Variants in PRELID2 observed in about 807,000 individuals in gnomAD.
The protein encoded by PRELID2 is PRELI domain containing 2.
PRELID2 carries 25 observed loss-of-function variants against 28.4 expected under a neutral mutation model. The ratio of observed to expected loss-of-function variants is 0.88; its 90% CI spans 0.64 to 1.23. The LOEUF (loss-of-function observed/expected upper bound fraction) is 1.23, where lower values mean the gene tolerates loss of function less well. Ranked by LOEUF, PRELID2 falls within the 50% of genes most tolerant of loss-of-function variation. PRELID2 has a pLI of 0.00. For synonymous variants in PRELID2, 76 were observed against 71.6 expected (o/e 1.06, Z -0.31); for missense variants, 201 against 214.4 (o/e 0.94, Z 0.39).
the PRELID2 span, among the ~76,000 whole-genome samples, chr5:145,459,683 A>T: frequency 6.6e-6 from 1 of 152,146 alleles, no homozygotes; most frequent in Non-Finnish European, 1.5e-5. Flanking sequence ...ATGTACAATG[A>T]TTGAAACAAA....
chr5:145,626,033 G>A (rs1753840102), intron 1 of PRELID2, among the ~76,000 whole-genome samples: 1 of 152,094 alleles, frequency 6.6e-6, no homozygotes, highest in Admixed American at 6.6e-5. Context: ...ATTAACTTCA[G>A]ATGGATTAAA....
At chr5:145,391,039 C>T in the PRELID2 span, among the ~76,000 whole-genome samples, 1 of 152,206 alleles carries the variant, frequency 6.6e-6, no homozygotes, top group Non-Finnish European at 1.5e-5. Flanking sequence ...AAGTGCCACC[C>T]CTGTGGCTTT....
At chr5:145,588,127 G>A (rs1002617071) in intron 1 of PRELID2, among the ~76,000 whole-genome samples, 1 of 152,056 alleles carries the variant, frequency 6.6e-6, no homozygotes, top group African/African-American at 2.4e-5. Flanking sequence ...CTCCCCTAAC[G>A]AACATCACTG....
At chr5:145,434,689 G>A in the PRELID2 span, among the ~76,000 whole-genome samples, 2 of 152,150 alleles carry the variant, frequency 1.3e-5, no homozygotes, top group African/African-American at 4.8e-5. Context: ...ACTGCCACCT[G>A]GTCAACCTGG....
intron 1 of PRELID2, among the ~76,000 whole-genome samples, chr5:145,570,420 G>T (rs76543295): frequency 6.6e-6 from 1 of 151,262 alleles, no homozygotes; most frequent in Non-Finnish European, 1.5e-5. Context: ...TCTCATTTAT[G>T]AAAAAAAAAT....
intron 4 of PRELID2, among the ~76,000 whole-genome samples, chr5:145,817,421 T>TTATGTATATATATTTATATA (rs1754428828): frequency 9.7e-6 from 1 of 103,596 alleles, no homozygotes; most frequent in Non-Finnish European, 2.0e-5. Context: ...TAAGCTAGTT[T>TTATGTATATATATTTATATA]TATATATATA....
intron 1 of PRELID2, among the ~76,000 whole-genome samples, chr5:145,653,465 C>T (rs1434884119): frequency 1.3e-4 from 20 of 152,318 alleles, no homozygotes; most frequent in Non-Finnish European, 2.4e-4. Flanking sequence ...AGCACCACGT[C>T]GCAATTATTC....
the PRELID2 span, among the ~76,000 whole-genome samples, chr5:145,250,331 A>T: frequency 6.6e-6 from 1 of 152,152 alleles, no homozygotes; most frequent in Non-Finnish European, 1.5e-5. Flanking sequence ...GCAATACATT[A>T]AACATATTTG....
intron 1 of PRELID2, among the ~76,000 whole-genome samples, chr5:145,679,655 T>A (rs1406342869): frequency 6.6e-6 from 1 of 151,982 alleles, no homozygotes; most frequent in African/African-American, 2.4e-5. Flanking sequence ...TCCTGCCAAA[T>A]TGTGAAGCTA....
At chr5:145,712,185 A>G (rs1437624801) in intron 1 of PRELID2, among the ~76,000 whole-genome samples, 1 of 152,252 alleles carries the variant, frequency 6.6e-6, no homozygotes, top group African/African-American at 2.4e-5. Flanking sequence ...TTGTGAGTCA[A>G]TGTTAAATAC....
the PRELID2 span, among the ~76,000 whole-genome samples, chr5:145,270,838 T>A: frequency 2.1e-3 from 320 of 152,212 alleles, 10 homozygotes; most frequent in East Asian, 0.053. Flanking sequence ...CACTTTGAAT[T>A]GCCCTGTATT....
the PRELID2 span, among the ~76,000 whole-genome samples, chr5:145,425,333 A>G: frequency 3.3e-5 from 5 of 152,186 alleles, no homozygotes; most frequent in Non-Finnish European, 7.3e-5. Flanking sequence ...CAACTATTAT[A>G]GAAGACAGTA....
At chr5:145,443,439 C>T in the PRELID2 span, among the ~76,000 whole-genome samples, 1 of 151,980 alleles carries the variant, frequency 6.6e-6, no homozygotes, top group African/African-American at 2.4e-5. Flanking sequence ...ATCAATGAGG[C>T]CAACATGATA....
chr5:145,766,359 C>G (rs965937705), intron 5 of PRELID2, among the ~76,000 whole-genome samples: 3 of 152,252 alleles, frequency 2.0e-5, no homozygotes, highest in Non-Finnish European at 4.4e-5. Context: ...CCATATGATC[C>G]TCTTATGATT....
the PRELID2 span, among the ~76,000 whole-genome samples, chr5:145,456,830 T>G: frequency 9.9e-5 from 15 of 152,174 alleles, no homozygotes; most frequent in African/African-American, 3.6e-4. Flanking sequence ...TTACTTCGAG[T>G]TATGAGCTCT....
At position 145,534,892 on chromosome 5, in the gene PRELID2, T is replaced by C. The variant is rs976162836; in HGVS notation, n.71-61577A>G. On this transcript the variant is annotated intron_variant and non_coding_transcript_variant, in intron 1 of 2. Transcript: ENST00000510259. ...TGTATGAGGTGGCTTTAAATGACTT[T>C]CTCCCTATAGCAAATGTCATTTCAA... Among the ~76,000 whole-genome samples, 130 of 152,040 alleles carry C rather than the reference T, an allele frequency of 8.6e-4. 1 individual carries two copies. Among genetic ancestry groups the C allele is most frequent in the African/African-American group, 3.0e-3 (125 of 41,534 alleles).
intron 1 of PRELID2, among the ~76,000 whole-genome samples, chr5:145,684,338 T>A (rs541873597): frequency 6.6e-6 from 1 of 152,318 alleles, no homozygotes; most frequent in East Asian, 1.9e-4. Flanking sequence ...ACCTCCTTCA[T>A]GAAATCCTGC....
At chr5:145,449,417 G>C in the PRELID2 span, among the ~76,000 whole-genome samples, 11 of 152,076 alleles carry the variant, frequency 7.2e-5, no homozygotes, top group African/African-American at 2.7e-4. Context: ...CTCTCCAACT[G>C]TCCCCAGTTG....
At chr5:145,419,745 T>C in the PRELID2 span, among the ~76,000 whole-genome samples, 3 of 152,248 alleles carry the variant, frequency 2.0e-5, no homozygotes, top group South Asian at 4.1e-4. Context: ...TTAGATCCCA[T>C]TTGTCAATTT....
Sources: allele counts gnomAD v4.1 joint callset (sites outside exome capture counted in the v4.1 genomes callset), GRCh38; gene constraint gnomAD v4.1.1; transcripts MANE v1.5; gene names NCBI Gene and HGNC (gene_info 2026-07-23, HGNC 2026-07-21).